Variants in TIAM2 observed in about 807,000 individuals in gnomAD.
TIAM2 encodes TIAM Rac1 associated GEF 2, also known as rho guanine nucleotide exchange factor TIAM2.
A neutral mutation model predicts 152.9 loss-of-function variants in TIAM2; 80 were observed. The ratio of observed to expected loss-of-function variants is 0.52; its 90% CI spans 0.44 to 0.63. The LOEUF (loss-of-function observed/expected upper bound fraction) is 0.63. TIAM2 is among the 30% of genes least tolerant of loss of function. The pLI, the probability that TIAM2 is intolerant of heterozygous loss-of-function variation, is 0.00. For missense variants in TIAM2, 1,965 were observed against 2,120.1 expected, an observed-to-expected ratio of 0.93 and a Z score of 1.44; for synonymous variants, 804 against 838.0, an observed-to-expected ratio of 0.96 and a Z score of 0.70.
intron 1 of TIAM2, among the ~76,000 whole-genome samples, chr6:155,028,427 A>AAT (rs900172899): frequency 2.4e-5 from 3 of 123,446 alleles, no homozygotes; most frequent in South Asian, 2.7e-4. Flanking sequence ...TACTACATAT[A>AAT]ATATATATAC....
intron 14 of TIAM2, among the ~76,000 whole-genome samples, chr6:155,198,340 G>T (rs1781394078): frequency 6.6e-6 from 1 of 152,182 alleles, no homozygotes; most frequent in South Asian, 2.1e-4. Flanking sequence ...TGAGTAAATA[G>T]CTATTGAGTG....
chr6:155,256,409 CA>C, intron 26 of TIAM2, 74 bp from the exon 27 acceptor site: 1 of 1,591,396 alleles, frequency 6.3e-7, no homozygotes, highest in Non-Finnish European at 8.6e-7. Flanking sequence ...AAATCTTACA[CA>C]AGCTTTGAGG....
intron 19 of TIAM2, among the ~76,000 whole-genome samples, chr6:155,246,176 A>C (rs1783316606): frequency 6.6e-6 from 1 of 152,072 alleles, no homozygotes; most frequent in Admixed American, 6.5e-5. Context: ...CTCTGGTGCA[A>C]CTGGAAAGAG....
intron 14 of TIAM2, among the ~76,000 whole-genome samples, 179 bp from the exon 15 acceptor site, chr6:155,211,025 G>C (rs1781705415): frequency 6.6e-6 from 1 of 152,202 alleles, no homozygotes; most frequent in Admixed American, 6.5e-5. Context: ...CAAGACCCTA[G>C]ATCTGTTTCA....
At chr6:155,148,430 A>G in intron 7 of TIAM2, 96 bp downstream of exon 7, 1 of 1,254,500 alleles carries the variant, frequency 8.0e-7, no homozygotes, top group Non-Finnish European at 1.1e-6. Flanking sequence ...TTCTTGGCTC[A>G]CATCTTGGTG....
At chr6:155,119,346 T>C (rs562866161) in intron 2 of TIAM2, among the ~76,000 whole-genome samples, 1 of 151,848 alleles carries the variant, frequency 6.6e-6, no homozygotes, top group African/African-American at 2.4e-5. Context: ...TGACTCTTCT[T>C]TTCTTTTTTT....
At chr6:155,185,490 TTTTA>T (rs57784770) in intron 14 of TIAM2, among the ~76,000 whole-genome samples, 23,880 of 145,688 alleles carry the variant, frequency 0.16, 2,084 homozygotes, top group African/African-American at 0.2. Context: ...GTTAAGCCAC[TTTTA>T]TTTATTTATT....
At chr6:155,002,699 G>C (rs1362067540) in intron 1 of TIAM2, among the ~76,000 whole-genome samples, 2 of 96,544 alleles carry the variant, frequency 2.1e-5, no homozygotes, top group Non-Finnish European at 4.7e-5. Flanking sequence ...ATTTATTTTT[G>C]ACACGGAGTT....
intron 4 of TIAM2, among the ~76,000 whole-genome samples, chr6:155,136,024 G>A (rs893166683): frequency 3.3e-5 from 5 of 151,414 alleles, no homozygotes; most frequent in African/African-American, 1.2e-4. Flanking sequence ...AAGAAACCGT[G>A]TCTCTACTAA....
rs1033133609 is a variant in TIAM2 at position 155,199,073 on chromosome 6, T to TA, written c.3065-12131_3065-12130insA. 2.2e-4 allele frequency among the ~76,000 whole-genome samples: 34 copies of TA among 151,772 alleles called. 1 individual carries two copies. Among genetic ancestry groups the TA allele is most frequent in the Non-Finnish European group, 4.1e-4 (28 of 67,890 alleles). On this transcript the variant is annotated intron_variant, in intron 14 of 26. Transcript: ENST00000682666. ...AAAAAGGACAGTAACTTCTTTATTT[T>TA]TTTTTTTTAATTACAAAAAAAGTTT... is the stretch of plus-strand genomic sequence containing the variant.
Position 155,244,650 on chromosome 6 carries a change from T to C in TIAM2, c.3418-8T>C. 1 of 1,613,562 alleles carries C rather than the reference T, an allele frequency of 6.2e-7. No homozygotes were observed. The highest frequency in any genetic ancestry group is 8.5e-7 in the Non-Finnish European group (1 of 1,179,724). On this transcript the variant is annotated splice_polypyrimidine_tract_variant and splice_region_variant and intron_variant, in intron 17 of 26. Coordinates refer to ENST00000682666, the MANE Select transcript of TIAM2 (RefSeq NM_012454.4). ...ATCCCCTCATTTCAAATCCTGATCT[T>C]CACATAGATGGAGTCACTTTTTGGA... is the stretch of plus-strand genomic sequence containing the variant.
chr6:155,125,130 G>T (rs549190286), intron 2 of TIAM2, among the ~76,000 whole-genome samples: 133 of 152,190 alleles, frequency 8.7e-4, no homozygotes, highest in Non-Finnish European at 1.5e-3. Flanking sequence ...AATTAGCTGG[G>T]TGTGGTGGCG....
intron 1 of TIAM2, among the ~76,000 whole-genome samples, chr6:155,031,059 T>TA (rs1217643046): frequency 6.6e-6 from 1 of 152,244 alleles, no homozygotes; most frequent in African/African-American, 2.4e-5. Flanking sequence ...TAAGAGTTTT[T>TA]ATGAAATTCT....
chr6:155,079,819 A>G (rs1186809445), intron 1 of TIAM2, among the ~76,000 whole-genome samples: 1 of 152,176 alleles, frequency 6.6e-6, no homozygotes, highest in Non-Finnish European at 1.5e-5. Flanking sequence ...GTGATGGTGC[A>G]TGTCTGTAAT....
chr6:155,219,105 G>A (rs1781957566), intron 15 of TIAM2, among the ~76,000 whole-genome samples: 1 of 151,902 alleles, frequency 6.6e-6, no homozygotes, highest in Non-Finnish European at 1.5e-5. Context: ...CGAAGTTAGT[G>A]TCAGTGGTCA....
At chr6:155,198,051 A>G (rs1337220175) in intron 14 of TIAM2, among the ~76,000 whole-genome samples, 1 of 152,222 alleles carries the variant, frequency 6.6e-6, no homozygotes, top group Non-Finnish European at 1.5e-5. Context: ...CAGAACCTGA[A>G]TACTCACCTT....
At chr6:155,226,089 G>T (rs1249243386) in intron 15 of TIAM2, among the ~76,000 whole-genome samples, 1 of 152,202 alleles carries the variant, frequency 6.6e-6, no homozygotes, top group Non-Finnish European at 1.5e-5. Flanking sequence ...TATTAGAAGA[G>T]AAAGTGTAGG....
At chr6:155,074,872 A>G (rs1054434790) in intron 1 of TIAM2, among the ~76,000 whole-genome samples, 1 of 151,378 alleles carries the variant, frequency 6.6e-6, no homozygotes, top group South Asian at 2.1e-4. Flanking sequence ...AAAAAAAAAA[A>G]AAAAAACCTC....
chr6:155,028,905 A>G lies in TIAM2; in HGVS notation c.-209+33413A>G, dbSNP rs1182015947. Among the ~76,000 whole-genome samples the G allele has an allele frequency of 2.6e-5, 3 of 114,914 alleles. 1 individual carries two copies. The highest frequency in any genetic ancestry group is 7.1e-5 in the African/African-American group (2 of 28,168). The allele number at this position is 114,914 out of a possible 152,430, so 75.4% of individuals were successfully genotyped here. On this transcript the variant is annotated intron_variant, in intron 1 of 26. Coordinates refer to ENST00000682666, the MANE Select transcript of TIAM2 (RefSeq NM_012454.4). ...TATATATACACTGTATATACTATCTATACTATGTTATATATACACTGTATA... is the reference window on the plus strand; with the variant it reads ...TATATATACACTGTATATACTATCTGTACTATGTTATATATACACTGTATA...
Sources: allele counts gnomAD v4.1 joint callset (sites outside exome capture counted in the v4.1 genomes callset), GRCh38; gene constraint gnomAD v4.1.1; transcripts MANE v1.5; gene names NCBI Gene and HGNC (gene_info 2026-07-23, HGNC 2026-07-21).